RAB3B: variants seen among roughly 807,000 people sequenced by gnomAD.
The protein encoded by RAB3B is ras-related protein Rab-3B.
A neutral mutation model predicts 20.5 loss-of-function variants in RAB3B; 11 were observed. The ratio of observed to expected loss-of-function variants is 0.54; its 90% CI spans 0.34 to 0.89. RAB3B has a LOEUF of 0.89. Ranked by LOEUF, RAB3B falls within the 40% of genes least tolerant of loss-of-function variation. The pLI, the probability that RAB3B is intolerant of heterozygous loss-of-function variation, is 0.02. For missense variants in RAB3B, 225 were observed against 280.9 expected (o/e 0.80, Z 1.42); for synonymous variants, 99 against 106.3 (o/e 0.93, Z 0.42).
In RAB3B at chr1:51,909,935, T is replaced by A. The variant is rs1345732381; in HGVS notation, c.*9992A>T. 1 of 152,206 alleles carries A rather than the reference T, an allele frequency of 6.6e-6. No individual in the cohort carries two copies. Among genetic ancestry groups the A allele is most frequent in the East Asian group, 1.9e-4 (1 of 5,188 alleles). The allele number at this position is 152,206 out of a possible 1,614,324, so 9.4% of individuals were successfully genotyped here. A position where few individuals can be genotyped will look rare whatever the true frequency, so the allele number is the denominator to read the frequency against. ...TAGTGCCAACATCACACGTTCGGCA[T>A]CTACTGTGTGTGCACGGCACTGCAC... On this transcript the variant is annotated 3_prime_UTR_variant, in exon 5 of 5. Coordinates refer to ENST00000371655, the MANE Select transcript of RAB3B (RefSeq NM_002867.4).
intron 1 of RAB3B, among the ~76,000 whole-genome samples, chr1:51,982,846 AAAGTT>A (rs1251991699): frequency 6.6e-6 from 1 of 152,172 alleles, no homozygotes; most frequent in Non-Finnish European, 1.5e-5. Flanking sequence ...ATAGTAAGCC[AAAGTT>A]AATTTATTAT....
chr1:51,927,205 T>C (rs1684256689), intron 4 of RAB3B, among the ~76,000 whole-genome samples: 1 of 152,108 alleles, frequency 6.6e-6, no homozygotes, highest in Admixed American at 6.5e-5. Flanking sequence ...AGCAAGGCAG[T>C]GTATGAGAGT....
rs932905893 is a variant in RAB3B, at chr1:51,914,560, T to A, written c.*5367A>T. Reference sequence around the variant, plus strand: ...TGGCACATAATATATATTCATTTGTTGAGAAAATAAATGAATAAATAAATT... The same window carrying A: ...TGGCACATAATATATATTCATTTGTAGAGAAAATAAATGAATAAATAAATT... On this transcript the variant is annotated 3_prime_UTR_variant, in exon 5 of 5. Coordinates refer to ENST00000371655, the MANE Select transcript of RAB3B (RefSeq NM_002867.4). The A allele has an allele frequency of 6.6e-6, 1 of 152,230 alleles. No individual in the cohort carries two copies. Among genetic ancestry groups the A allele is most frequent in the Non-Finnish European group, 1.5e-5 (1 of 68,036 alleles). The allele number at this position is 152,230 out of a possible 1,614,324, so 9.4% of individuals were successfully genotyped here.
chr1:51,969,756 C>G (rs540353322), intron 2 of RAB3B, among the ~76,000 whole-genome samples: 1 of 152,290 alleles, frequency 6.6e-6, no homozygotes, highest in East Asian at 1.9e-4. Flanking sequence ...AGTGTTTACT[C>G]TGTGCCATGC....
intron 2 of RAB3B, among the ~76,000 whole-genome samples, chr1:51,971,188 C>T (rs1684928236): frequency 6.7e-6 from 1 of 150,178 alleles, no homozygotes; most frequent in African/African-American, 2.5e-5. Flanking sequence ...TAGTTGAAGA[C>T]ATTAACTAGT....
chr1:51,972,437 CCCTAGATAGTACCTAAT>C (rs1407661546), intron 2 of RAB3B, among the ~76,000 whole-genome samples: 1 of 151,904 alleles, frequency 6.6e-6, no homozygotes, highest in Non-Finnish European at 1.5e-5. Flanking sequence ...TATGTTGAAG[CCCTAGATAGTACCTAAT>C]CCTATACAGT....
rs74080677 is a variant in RAB3B at position 51,919,908 on chromosome 1, T to C, written c.*19A>G. On this transcript the variant is annotated 3_prime_UTR_variant, in exon 5 of 5. Coordinates refer to ENST00000371655, the MANE Select transcript of RAB3B (RefSeq NM_002867.4). ...GGTGTGGGGCCACAATGAGGGGAGG[T>C]CAGGAAGGTGGGCCTTGCCTAGCAT... 13,782 of 1,599,542 alleles carry C rather than the reference T, an allele frequency of 8.6e-3. 1,028 individuals are homozygous for C. The African/African-American group carries it at 0.16, about 19-fold the overall frequency.
intron 1 of RAB3B, among the ~76,000 whole-genome samples, chr1:51,990,309 C>G (rs1476693651): frequency 7.7e-6 from 1 of 129,268 alleles, no homozygotes; most frequent in African/African-American, 2.9e-5. Context: ...CGCCGTCTTT[C>G]TTGCTCCCCT....
At chr1:51,948,352 A>G (rs1438666338) in intron 2 of RAB3B, among the ~76,000 whole-genome samples, 1 of 152,240 alleles carries the variant, frequency 6.6e-6, no homozygotes, top group African/African-American at 2.4e-5. Flanking sequence ...GAGAAGAGTG[A>G]AGGGAACTTG....
At chr1:51,936,411 G>A (rs1256611322) in intron 3 of RAB3B, among the ~76,000 whole-genome samples, 1 of 152,164 alleles carries the variant, frequency 6.6e-6, no homozygotes, top group Non-Finnish European at 1.5e-5. Context: ...GCTCAGCCCA[G>A]GGATAAACTT....
chr1:51,947,081 A>G (rs963794249), intron 2 of RAB3B, among the ~76,000 whole-genome samples: 1 of 152,148 alleles, frequency 6.6e-6, no homozygotes. Flanking sequence ...CTAGGGTCAC[A>G]AACAATAAGG....
intron 4 of RAB3B, among the ~76,000 whole-genome samples, chr1:51,924,315 G>A (rs955028250): frequency 3.3e-5 from 5 of 152,168 alleles, no homozygotes; most frequent in African/African-American, 1.2e-4. Flanking sequence ...TGGAATGGAG[G>A]GAAGCCAGGG....
At chr1:51,964,360 C>T (rs183285526) in intron 2 of RAB3B, among the ~76,000 whole-genome samples, 4 of 152,162 alleles carry the variant, frequency 2.6e-5, no homozygotes, top group East Asian at 3.9e-4. Context: ...TCTCCTTTCC[C>T]GATTCTCCCT....
At chr1:51,934,692 C>A (rs987682081) in intron 3 of RAB3B, among the ~76,000 whole-genome samples, 4 of 138,442 alleles carry the variant, frequency 2.9e-5, no homozygotes, top group Non-Finnish European at 6.1e-5. Context: ...AGGAGAATGG[C>A]GTGAACCCGG....
chr1:51,953,499 A>G (rs1270913260), intron 2 of RAB3B, among the ~76,000 whole-genome samples: 1 of 152,228 alleles, frequency 6.6e-6, no homozygotes, highest in Non-Finnish European at 1.5e-5. Flanking sequence ...TTGTCAAAAG[A>G]CAATTCACAA....
rs1007554792 is a variant in RAB3B at position 51,915,016 on chromosome 1, C to A, written c.*4911G>T. ...CTGAGGTTATTTAACTCTAAGAATC[C>A]TTGGGAGCCTGGTACTACCAGAGGG... is the stretch of plus-strand genomic sequence containing the variant. On this transcript the variant is annotated 3_prime_UTR_variant, in exon 5 of 5. Transcript: ENST00000371655. 6 of 152,092 alleles carry A rather than the reference C, an allele frequency of 3.9e-5. No homozygotes were observed. The South Asian group carries it at 6.2e-4, about 16-fold the overall frequency. 9.4% of individuals were successfully genotyped at this position (152,092 alleles called of 1,614,324 possible).
chr1:51,989,255 TG>T (rs1356113495), intron 1 of RAB3B, among the ~76,000 whole-genome samples: 2 of 148,926 alleles, frequency 1.3e-5, no homozygotes, highest in African/African-American at 2.5e-5. Flanking sequence ...TGTGTGTGTG[TG>T]TTTTGAGGGC....
chr1:51,937,501 CAT>C (rs1491480638), intron 2 of RAB3B, 89 bp from the exon 3 acceptor site: 4 of 860,642 alleles, frequency 4.6e-6, no homozygotes, highest in African/African-American at 3.5e-5. Flanking sequence ...TAACCCAAGA[CAT>C]TTTTTTTTTT....
intron 2 of RAB3B, among the ~76,000 whole-genome samples, chr1:51,956,695 C>A (rs1351827922): frequency 6.6e-6 from 1 of 152,202 alleles, no homozygotes; most frequent in Non-Finnish European, 1.5e-5. Context: ...AATTACCATT[C>A]CAATTCAGCT....
Sources: allele counts gnomAD v4.1 joint callset (sites outside exome capture counted in the v4.1 genomes callset), GRCh38; gene constraint gnomAD v4.1.1; transcripts MANE v1.5; gene names NCBI Gene and HGNC (gene_info 2026-07-23, HGNC 2026-07-21).